Variants in ADGRL3 observed in about 807,000 individuals in gnomAD.
ADGRL3 encodes the protein adhesion G protein-coupled receptor L3.
ADGRL3 carries 62 observed loss-of-function variants against 153.5 expected under a neutral mutation model. The observed-to-expected ratio is 0.40, with a 90% CI of 0.33 to 0.50. The LOEUF (loss-of-function observed/expected upper bound fraction) is 0.50. Among genes scored for constraint, ADGRL3 ranks in the 20% least tolerant of loss-of-function variants. The probability of loss-of-function intolerance (pLI) is 0.47; values close to 1 mark genes in which losing one functional copy is unlikely to be tolerated. For synonymous variants in ADGRL3, 710 were observed against 672.5 expected, an observed-to-expected ratio of 1.06 and a Z score of -0.86; for missense variants, 1,641 against 1,859.4, an observed-to-expected ratio of 0.88 and a Z score of 2.16.
At chr4:61,495,891 T>C (rs1029147478) in intron 2 of ADGRL3, among the ~76,000 whole-genome samples, 1 of 152,208 alleles carries the variant, frequency 6.6e-6, no homozygotes, top group African/African-American at 2.4e-5. Context: ...ATGAATGATG[T>C]TCGAACTGCA....
rs894573591 is a variant in ADGRL3 at position 61,531,785 on chromosome 4, T to C, written c.259+14267T>C. Among the ~76,000 whole-genome samples the C allele has an allele frequency of 1.3e-5, 2 of 152,130 alleles. 1 individual carries two copies. Among genetic ancestry groups the C allele is most frequent in the African/African-American group, 4.8e-5 (2 of 41,390 alleles). ...TAAATTTCTAATAGTACACTTTACA[T>C]TTCCTCATGTCTTCATTGCTGTGCC... is the stretch of plus-strand genomic sequence containing the variant. On this transcript the variant is annotated intron_variant, in intron 4 of 26. Transcript: ENST00000683033.
intron 1 of ADGRL3, among the ~76,000 whole-genome samples, chr4:61,336,535 C>G (rs754131890): frequency 2.0e-5 from 3 of 152,092 alleles, no homozygotes; most frequent in Non-Finnish European, 2.9e-5. Flanking sequence ...CAGTCAAGAG[C>G]ATGGAGGTTA....
At chr4:62,043,150 CTG>C (rs1326755267) in intron 24 of ADGRL3, among the ~76,000 whole-genome samples, 34 of 151,944 alleles carry the variant, frequency 2.2e-4, no homozygotes, top group African/African-American at 8.0e-4. Context: ...TATTTAATGA[CTG>C]TATGGAGATT....
At chr4:61,453,697 C>A (rs1378306789) in intron 2 of ADGRL3, among the ~76,000 whole-genome samples, 1 of 152,046 alleles carries the variant, frequency 6.6e-6, no homozygotes, top group African/African-American at 2.4e-5. Context: ...CTACCTAGTA[C>A]CTCAAGCTTG....
chr4:61,856,731 T>C (rs561108858), intron 9 of ADGRL3, among the ~76,000 whole-genome samples: 1 of 148,336 alleles, frequency 6.7e-6, no homozygotes, highest in East Asian at 2.1e-4. Flanking sequence ...ATTCTCCTGC[T>C]TCAGCCTCCT....
rs138189240 is a variant in ADGRL3, at chr4:61,862,769, C to A, written c.1481-29887C>A. ...AGAATCATTGGGAGGTGACCTAGGA[C>A]TCTTTTGAAACAAGATCTCCCAGTG... On this transcript the variant is annotated intron_variant, in intron 9 of 26. Coordinates refer to ENST00000683033, the MANE Select transcript of ADGRL3 (RefSeq NM_001387552.1). Among the ~76,000 whole-genome samples, 11 of 152,264 alleles carry A rather than the reference C, an allele frequency of 7.2e-5. No individual in the cohort carries two copies. The East Asian group carries it at 2.1e-3, about 29-fold the overall frequency.
At chr4:61,565,391 A>G (rs936504229) in intron 4 of ADGRL3, among the ~76,000 whole-genome samples, 1 of 152,152 alleles carries the variant, frequency 6.6e-6, no homozygotes, top group Non-Finnish European at 1.5e-5. Context: ...ATTTAATGAC[A>G]TATTATTTTG....
chr4:61,448,047 G>A lies in ADGRL3; in HGVS notation c.-173-49074G>A, dbSNP rs528310842. On this transcript the variant is annotated intron_variant, in intron 2 of 26. Coordinates refer to ENST00000683033, the MANE Select transcript of ADGRL3 (RefSeq NM_001387552.1). Reference sequence around the variant, plus strand: ...AGAGCAGTTGAGAACATATAGATGAGTATAGTGAAAGTCAGAGGAGATTTA... The same window carrying A: ...AGAGCAGTTGAGAACATATAGATGAATATAGTGAAAGTCAGAGGAGATTTA... Among the ~76,000 whole-genome samples the A allele has an allele frequency of 8.5e-5, 13 of 152,220 alleles. No individual in the cohort carries two copies. In the South Asian group the frequency reaches 2.7e-3, roughly 32 times the overall value.
chr4:61,426,076 C>T (rs1425439603), intron 2 of ADGRL3, among the ~76,000 whole-genome samples: 2 of 152,242 alleles, frequency 1.3e-5, no homozygotes, highest in African/African-American at 4.8e-5. Context: ...TTTGGAGCAT[C>T]AGGTCCAACC....
intron 6 of ADGRL3, among the ~76,000 whole-genome samples, chr4:61,711,293 C>G (rs1001671471): frequency 1.3e-5 from 2 of 151,356 alleles, no homozygotes; most frequent in African/African-American, 4.9e-5. Flanking sequence ...TCTCACTGCA[C>G]TAGTTATAAA....
intron 8 of ADGRL3, among the ~76,000 whole-genome samples, chr4:61,765,884 G>A (rs1423442054): frequency 6.6e-6 from 1 of 152,104 alleles, no homozygotes; most frequent in East Asian, 1.9e-4. Flanking sequence ...ATGGAACACT[G>A]AGCAGAATAG....
At chr4:61,751,460 C>T (rs186731620) in intron 8 of ADGRL3, among the ~76,000 whole-genome samples, 64 of 152,134 alleles carry the variant, frequency 4.2e-4, no homozygotes, top group African/African-American at 1.3e-3. Context: ...CCAGAGGAAC[C>T]CTTTTCGTAA....
chr4:61,553,815 C>T (rs1325032986), intron 4 of ADGRL3, among the ~76,000 whole-genome samples: 1 of 151,992 alleles, frequency 6.6e-6, no homozygotes, highest in East Asian at 1.9e-4. Context: ...TGAACTAACT[C>T]CTACAATTCA....
intron 2 of ADGRL3, among the ~76,000 whole-genome samples, chr4:61,424,522 C>A (rs1348108111): frequency 1.3e-5 from 2 of 152,152 alleles, no homozygotes; most frequent in African/African-American, 4.8e-5. Context: ...CCCACCATCT[C>A]TGTGGGGGGT....
At chr4:61,808,848 A>G (rs1220659741) in intron 8 of ADGRL3, among the ~76,000 whole-genome samples, 1 of 151,460 alleles carries the variant, frequency 6.6e-6, no homozygotes, top group Non-Finnish European at 1.5e-5. Flanking sequence ...AAAACTTAGA[A>G]AAATTCCACA....
intron 4 of ADGRL3, among the ~76,000 whole-genome samples, chr4:61,518,284 C>T (rs945297062): frequency 6.6e-6 from 1 of 152,158 alleles, no homozygotes; most frequent in African/African-American, 2.4e-5. Flanking sequence ...ATATTTGTAA[C>T]TTTATTTGTG....
At chr4:61,638,099 A>G (rs2150123027) in intron 5 of ADGRL3, among the ~76,000 whole-genome samples, 1 of 152,272 alleles carries the variant, frequency 6.6e-6, no homozygotes, top group East Asian at 1.9e-4. Context: ...GAATATTCAT[A>G]GTAGCTTTGT....
chr4:61,625,548 C>G (rs752507583), intron 5 of ADGRL3, among the ~76,000 whole-genome samples: 1 of 151,876 alleles, frequency 6.6e-6, no homozygotes, highest in Non-Finnish European at 1.5e-5. Context: ...TCTATACAAC[C>G]CTTACCTAGA....
At chr4:61,464,326 A>G (rs1428829972) in intron 2 of ADGRL3, among the ~76,000 whole-genome samples, 1 of 152,212 alleles carries the variant, frequency 6.6e-6, no homozygotes, top group African/African-American at 2.4e-5. Flanking sequence ...AGGGGTATAT[A>G]GGCATATGGC....
Sources: allele counts gnomAD v4.1 joint callset (sites outside exome capture counted in the v4.1 genomes callset), GRCh38; gene constraint gnomAD v4.1.1; transcripts MANE v1.5; gene names NCBI Gene and HGNC (gene_info 2026-07-23, HGNC 2026-07-21).